Variants in GRM8 observed in about 807,000 individuals in gnomAD.
The protein encoded by GRM8 is glutamate metabotropic receptor 8.
In GRM8, 47 loss-of-function variants were observed where a neutral mutation model predicts 87.2. The ratio of observed to expected loss-of-function variants is 0.54; its 90% CI spans 0.43 to 0.69. The LOEUF is 0.69. Ranked by LOEUF, GRM8 falls within the 30% of genes least tolerant of loss-of-function variation. GRM8 has a pLI of 0.00. For missense variants in GRM8, 1,019 were observed against 1,139.2 expected (o/e 0.89, Z 1.52); for synonymous variants, 396 against 404.5 (o/e 0.98, Z 0.25).
intron 9 of GRM8, among the ~76,000 whole-genome samples, chr7:126,482,611 A>T (rs1806824383): frequency 1.3e-5 from 2 of 152,026 alleles, no homozygotes; most frequent in Admixed American, 6.6e-5. Context: ...ACAGACACAA[A>T]GCAGAATGGT....
intron 7 of GRM8, among the ~76,000 whole-genome samples, chr7:126,688,739 G>GACACACACACACACAC (rs3831573): frequency 2.6e-3 from 375 of 145,800 alleles, no homozygotes; most frequent in African/African-American, 8.4e-3. Context: ...CTCTCTTTCT[G>GACACACACACACACAC]ACACACACAC....
At chr7:126,461,433 T>C (rs1167178064) in intron 9 of GRM8, among the ~76,000 whole-genome samples, 1 of 151,562 alleles carries the variant, frequency 6.6e-6, no homozygotes, top group African/African-American at 2.4e-5. Context: ...CTGAAACTGC[T>C]CTTTCCAAGA....
intron 6 of GRM8, among the ~76,000 whole-genome samples, chr7:126,893,116 T>C (rs1449261843): frequency 6.6e-6 from 1 of 152,086 alleles, no homozygotes; most frequent in African/African-American, 2.4e-5. Context: ...AGAGGTAGTA[T>C]GGAAATAAAG....
chr7:126,539,993 C>T (rs1178545820), intron 8 of GRM8, among the ~76,000 whole-genome samples: 1 of 151,776 alleles, frequency 6.6e-6, no homozygotes, highest in East Asian at 1.9e-4. Flanking sequence ...GAGACACCAC[C>T]AAGATTGTTA....
chr7:126,560,984 A>G (rs1793630049), intron 8 of GRM8, among the ~76,000 whole-genome samples: 1 of 152,242 alleles, frequency 6.6e-6, no homozygotes, highest in African/African-American at 2.4e-5. Context: ...ACTAGAAATC[A>G]GATCTTTTAT....
At chr7:126,491,654 G>A (rs549875600) in intron 9 of GRM8, among the ~76,000 whole-genome samples, 34 of 152,128 alleles carry the variant, frequency 2.2e-4, no homozygotes, top group Non-Finnish European at 4.6e-4. Context: ...TATAGCTTCT[G>A]TGAACCTTTA....
rs75840581 is a variant in GRM8 at position 127,139,176 on chromosome 7, T to C, written c.511-32464A>G. ...GTGGACAGTGGAAAGAACAATGTGT[T>C]CTCATAGTTTCATGACTGTAAGTTA... On this transcript the variant is annotated intron_variant, in intron 2 of 10. Transcript: ENST00000339582. Among the ~76,000 whole-genome samples the C allele has an allele frequency of 2.7e-3, 405 of 152,274 alleles. 4 individuals are homozygous for C. Among genetic ancestry groups the C allele is most frequent in the African/African-American group, 9.4e-3 (390 of 41,520 alleles).
At chr7:126,632,272 T>C (rs1585295923) in intron 7 of GRM8, among the ~76,000 whole-genome samples, 1 of 152,054 alleles carries the variant, frequency 6.6e-6, no homozygotes, top group Middle Eastern at 3.2e-3. Flanking sequence ...CCAACAAACA[T>C]ATGAAAGAAA....
chr7:126,891,792 G>A (rs1586344976), intron 6 of GRM8, among the ~76,000 whole-genome samples: 1 of 151,938 alleles, frequency 6.6e-6, no homozygotes, highest in Admixed American at 6.6e-5. Flanking sequence ...CAATTAGACT[G>A]TAAGCCCCAT....
At position 126,882,464 on chromosome 7, in the gene GRM8, T is replaced by C. The variant is rs72499563; in HGVS notation, c.1156+20078A>G. On this transcript the variant is annotated intron_variant, in intron 6 of 10. Coordinates refer to ENST00000339582, the MANE Select transcript of GRM8 (RefSeq NM_000845.3). ...TACTTCTTATTACAATATATTAACA[T>C]TTGAATATCTTCAATAACAAGAAAC... 2.0e-5 allele frequency among the ~76,000 whole-genome samples: 3 copies of C among 152,200 alleles called. No individual in the cohort carries two copies. The East Asian group carries it at 5.8e-4, about 29-fold the overall frequency.
chr7:126,759,546 T>C (rs1817371810), intron 7 of GRM8, among the ~76,000 whole-genome samples: 1 of 152,192 alleles, frequency 6.6e-6, no homozygotes, highest in Non-Finnish European at 1.5e-5. Flanking sequence ...TTCACATTTC[T>C]GTTCCTATAT....
chr7:126,920,438 A>G (rs1441118608), intron 3 of GRM8, among the ~76,000 whole-genome samples: 5 of 152,210 alleles, frequency 3.3e-5, no homozygotes, highest in Non-Finnish European at 7.3e-5. Context: ...TGAAAAGCAG[A>G]TGATTACCAA....
At chr7:126,935,515 G>A (rs1806219789) in intron 3 of GRM8, among the ~76,000 whole-genome samples, 1 of 152,188 alleles carries the variant, frequency 6.6e-6, no homozygotes, top group African/African-American at 2.4e-5. Context: ...TATCAGAGTT[G>A]AGGAGATGCT....
rs142341446 is a variant in GRM8 at position 126,712,949 on chromosome 7, C to T, written c.1357+56916G>A. Among the ~76,000 whole-genome samples, 461 of 152,066 alleles carry T rather than the reference C, an allele frequency of 3.0e-3. 7 individuals are homozygous for T. The highest frequency in any genetic ancestry group is 0.01 in the African/African-American group (431 of 41,506). On this transcript the variant is annotated intron_variant, in intron 7 of 10. Transcript: ENST00000339582. ...ATCATTAAAAAGTCAGGAAAACAGACGCTGGTGAGGATGTGGAAAAATAGG... is the reference window on the plus strand; with the variant it reads ...ATCATTAAAAAGTCAGGAAAACAGATGCTGGTGAGGATGTGGAAAAATAGG...
At chr7:126,547,754 T>C (rs1267434536) in intron 8 of GRM8, among the ~76,000 whole-genome samples, 1 of 151,896 alleles carries the variant, frequency 6.6e-6, no homozygotes, top group Non-Finnish European at 1.5e-5. Flanking sequence ...TGAAAGTATA[T>C]GAAATTCTAG....
chr7:127,072,948 T>C (rs536724209), intron 3 of GRM8, among the ~76,000 whole-genome samples: 22 of 151,618 alleles, frequency 1.5e-4, no homozygotes, highest in Non-Finnish European at 3.1e-4. Flanking sequence ...TTTTTTTTTT[T>C]CTTTCTTCAA....
At chr7:126,851,289 C>T (rs1797185184) in intron 6 of GRM8, among the ~76,000 whole-genome samples, 1 of 152,172 alleles carries the variant, frequency 6.6e-6, no homozygotes, top group Non-Finnish European at 1.5e-5. Flanking sequence ...TTCCAAGTCA[C>T]CATCATGCCC....
chr7:126,453,097 ACACACACAC>A (rs1473397752), intron 9 of GRM8, among the ~76,000 whole-genome samples: 5 of 150,604 alleles, frequency 3.3e-5, no homozygotes, highest in East Asian at 3.9e-4. Context: ...ACACACACAC[ACACACACAC>A]ACACACATAC....
At chr7:126,536,445 A>G (rs1466469294) in intron 8 of GRM8, among the ~76,000 whole-genome samples, 1 of 152,154 alleles carries the variant, frequency 6.6e-6, no homozygotes, top group Non-Finnish European at 1.5e-5. Context: ...AGTAGATGCT[A>G]CTTCATCTGT....
Sources: gnomAD v4.1 joint callset for allele counts (sites outside exome capture counted in the v4.1 genomes callset) on GRCh38, gnomAD v4.1.1 for gene constraint, MANE v1.5 for transcripts, NCBI Gene and HGNC (gene_info 2026-07-23, HGNC 2026-07-21) for gene names.